Variants in OTUD7A observed in about 807,000 individuals in gnomAD.
OTUD7A encodes OTU domain-containing protein 7A.
A neutral mutation model predicts 65.7 loss-of-function variants in OTUD7A; 12 were observed. That is an observed-to-expected ratio of 0.18 (90% CI 0.12 to 0.30). The LOEUF (loss-of-function observed/expected upper bound fraction) is 0.30. Ranked by LOEUF, OTUD7A falls within the 10% of genes least tolerant of loss-of-function variation. The probability of loss-of-function intolerance (pLI) is 1.00; values close to 1 mark genes in which losing one functional copy is unlikely to be tolerated. For synonymous variants in OTUD7A, 641 were observed against 586.3 expected (o/e 1.09, Z -1.35); for missense variants, 1,148 against 1,304.8 (o/e 0.88, Z 1.85).
intron 1 of OTUD7A, among the ~76,000 whole-genome samples, chr15:31,676,208 G>A (rs367897527): frequency 1.1e-4 from 17 of 152,350 alleles, no homozygotes; most frequent in African/African-American, 3.1e-4. Flanking sequence ...GGAGAAGAGA[G>A]AGAGAATTTG....
chr15:31,603,660 C>T (rs1018907050), intron 3 of OTUD7A, among the ~76,000 whole-genome samples: 1 of 152,140 alleles, frequency 6.6e-6, no homozygotes, highest in South Asian at 2.1e-4. Flanking sequence ...AACAGGCAAC[C>T]TACAGAATGG....
intron 3 of OTUD7A, among the ~76,000 whole-genome samples, chr15:31,573,989 T>C (rs983770327): frequency 6.6e-6 from 1 of 152,046 alleles, no homozygotes; most frequent in Non-Finnish European, 1.5e-5. Flanking sequence ...GGGCAAACAA[T>C]AAGAACAGAC....
chr15:31,565,248 TA>T (rs1888828975), intron 4 of OTUD7A, among the ~76,000 whole-genome samples: 1 of 152,056 alleles, frequency 6.6e-6, no homozygotes, highest in Non-Finnish European at 1.5e-5. Context: ...CCTAATTCAA[TA>T]AAATAAAAAA....
intron 4 of OTUD7A, among the ~76,000 whole-genome samples, chr15:31,565,568 T>G (rs1245513195): frequency 6.6e-6 from 1 of 152,140 alleles, no homozygotes; most frequent in Non-Finnish European, 1.5e-5. Context: ...AATTATAATT[T>G]TAAGGTTTAG....
intron 5 of OTUD7A, among the ~76,000 whole-genome samples, chr15:31,540,798 A>G (rs1887964605): frequency 1.3e-5 from 2 of 152,288 alleles, no homozygotes; most frequent in African/African-American, 4.8e-5. Flanking sequence ...TTATACACCA[A>G]AGTCCTTTTT....
intron 1 of OTUD7A, among the ~76,000 whole-genome samples, chr15:31,742,493 TTCTA>T (rs1566998362): frequency 6.6e-6 from 1 of 152,204 alleles, no homozygotes; most frequent in East Asian, 1.9e-4. Flanking sequence ...AGGAAATTTC[TTCTA>T]TCTGATATAC....
chr15:31,770,625 ATATCCT>A (rs1170667057), intron 1 of OTUD7A, among the ~76,000 whole-genome samples: 1 of 152,236 alleles, frequency 6.6e-6, no homozygotes, highest in Non-Finnish European at 1.5e-5. Context: ...CTATAGGCCA[ATATCCT>A]TCATGAACAC....
In OTUD7A at chr15:31,860,940, C is replaced by T. The variant is rs1379669827; in HGVS notation, c.-100+9567G>A. ...TTCACCATGTTAGGCAGGATGGTCT[C>T]GATCTCCTGACCTCGTGATCTGCCT... On this transcript the variant is annotated intron_variant, in intron 1 of 12. Transcript: ENST00000307050. Among the ~76,000 whole-genome samples, 19 of 144,382 alleles carry T rather than the reference C, an allele frequency of 1.3e-4. No individual in the cohort carries two copies. The South Asian group carries it at 3.3e-3, about 25-fold the overall frequency. The allele number at this position is 144,382 out of a possible 152,430, so 94.7% of individuals were successfully genotyped here.
At chr15:31,586,477 G>A (rs552046950) in intron 3 of OTUD7A, among the ~76,000 whole-genome samples, 16 of 152,256 alleles carry the variant, frequency 1.1e-4, no homozygotes, top group South Asian at 4.1e-4. Context: ...TCAGAAGAGC[G>A]GGGAGTGTCA....
chr15:31,766,413 A>C (rs1201791685), intron 1 of OTUD7A: 12 of 1,584,764 alleles, frequency 7.6e-6, no homozygotes, highest in Non-Finnish European at 9.5e-6. Flanking sequence ...ATGAGGTTGC[A>C]GCAAACTTTG....
chr15:31,786,225 T>A (rs1190350774), intron 1 of OTUD7A, among the ~76,000 whole-genome samples: 2 of 152,202 alleles, frequency 1.3e-5, no homozygotes, highest in Non-Finnish European at 1.5e-5. Context: ...CCTTTCTTTA[T>A]AAACTACCTA....
At chr15:31,829,607 C>A (rs1003780766) in intron 1 of OTUD7A, among the ~76,000 whole-genome samples, 1 of 152,192 alleles carries the variant, frequency 6.6e-6, no homozygotes, top group African/African-American at 2.4e-5. Flanking sequence ...CACTGCAGAG[C>A]CTGTCTGTGT....
intron 8 of OTUD7A, among the ~76,000 whole-genome samples, chr15:31,512,659 C>G (rs931250198): frequency 1.3e-5 from 2 of 151,880 alleles, no homozygotes; most frequent in Non-Finnish European, 2.9e-5. Flanking sequence ...TTAAAAGAGG[C>G]AAATGCAGAG....
intron 1 of OTUD7A, among the ~76,000 whole-genome samples, chr15:31,826,607 T>G (rs1896804266): frequency 1.3e-5 from 2 of 152,256 alleles, no homozygotes; most frequent in Admixed American, 6.5e-5. Flanking sequence ...CCTCATTACT[T>G]ATGCAAATTT....
At chr15:31,823,405 T>C (rs1413189641) in intron 1 of OTUD7A, among the ~76,000 whole-genome samples, 1 of 152,236 alleles carries the variant, frequency 6.6e-6, no homozygotes, top group Non-Finnish European at 1.5e-5. Flanking sequence ...AGCTAACTTA[T>C]GTATTTGATT....
chr15:31,828,663 T>C (rs1355160679), intron 1 of OTUD7A, among the ~76,000 whole-genome samples: 1 of 152,204 alleles, frequency 6.6e-6, no homozygotes, highest in South Asian at 2.1e-4. Context: ...AGAGAGTGTA[T>C]GGTTCTGATT....
intron 1 of OTUD7A, chr15:31,765,761 G>C (rs1183737431): frequency 3.0e-6 from 4 of 1,320,644 alleles, no homozygotes; most frequent in Non-Finnish European, 3.2e-6. Context: ...TTAGACTACA[G>C]AACTTTGGTT....
rs368655642 is a variant in OTUD7A, at chr15:31,484,173, C to T, written c.1923G>A (p.Lys641=). The T allele has an allele frequency of 3.1e-6, 5 of 1,610,488 alleles. No individual in the cohort carries two copies. In the African/African-American group the frequency reaches 6.7e-5, roughly 22 times the overall value. Residue 641 remains lysine (K), a synonymous_variant, in exon 13 of 13, where the codon AAG becomes AAA. Transcript: ENST00000307050. This position sits in a 1 kb window ranked among gnomAD's most constrained non-coding sequence, Gnocchi z 4.5. ...TGAGCAGCAGGCCGGCGAAGATGAACTTGCGCTCCCCCTGCATGGCGGCGC... is the reference window on the plus strand; with the variant it reads ...TGAGCAGCAGGCCGGCGAAGATGAATTTGCGCTCCCCCTGCATGGCGGCGC... ...ILRAAMQGER[K]FIFAGLLLTS... is the part of the protein sequence containing the mutation.
intron 3 of OTUD7A, among the ~76,000 whole-genome samples, chr15:31,629,353 T>C (rs1268256137): frequency 6.6e-6 from 1 of 152,198 alleles, no homozygotes; most frequent in African/African-American, 2.4e-5. Flanking sequence ...GAGATAATCA[T>C]GTGGTTTTTG....
Sources: gnomAD v4.1 joint callset for allele counts (sites outside exome capture counted in the v4.1 genomes callset) on GRCh38, gnomAD v4.1.1 for gene constraint, Gnocchi (gnomAD v3.1) non-coding constraint, MANE v1.5 for transcripts, NCBI Gene and HGNC (gene_info 2026-07-23, HGNC 2026-07-21) for gene names.